Variants in GOLPH3 observed in about 807,000 individuals in gnomAD.
GOLPH3 encodes coat protein GPP34.
Under a neutral mutation model 28.5 loss-of-function variants are expected in GOLPH3, and 14 were observed. That is an observed-to-expected ratio of 0.49 (90% CI 0.32 to 0.77). GOLPH3 has a LOEUF of 0.77. GOLPH3 is among the 30% of genes least tolerant of loss of function. The probability of loss-of-function intolerance (pLI) is 0.03; values close to 1 mark genes in which losing one functional copy is unlikely to be tolerated. For missense variants in GOLPH3, 350 were observed against 393.7 expected, an observed-to-expected ratio of 0.89 and a Z score of 0.94; for synonymous variants, 158 against 159.2, an observed-to-expected ratio of 0.99 and a Z score of 0.06.
intron 1 of GOLPH3, among the ~76,000 whole-genome samples, chr5:32,149,588 A>T (rs751695375): frequency 9.8e-5 from 14 of 143,366 alleles, no homozygotes; most frequent in Admixed American, 1.4e-4. Flanking sequence ...TCAAAAATTA[A>T]GAATCAAAAA....
At chr5:32,151,417 T>C (rs1488125390) in intron 1 of GOLPH3, among the ~76,000 whole-genome samples, 1 of 152,122 alleles carries the variant, frequency 6.6e-6, no homozygotes, top group Non-Finnish European at 1.5e-5. Flanking sequence ...ACCTAGCTAC[T>C]CGGGAGGACT....
At chr5:32,146,393 G>A (rs942092129) in intron 1 of GOLPH3, among the ~76,000 whole-genome samples, 4 of 152,140 alleles carry the variant, frequency 2.6e-5, no homozygotes, top group Admixed American at 2.6e-4. Context: ...TAAAATATAA[G>A]GATGGGAGAG....
intron 1 of GOLPH3, among the ~76,000 whole-genome samples, chr5:32,156,272 C>CG (rs1227076502): frequency 2.6e-5 from 4 of 151,934 alleles, no homozygotes; most frequent in Non-Finnish European, 5.9e-5. Flanking sequence ...CTGAGGTGGG[C>CG]GGATCGCCTG....
intron 1 of GOLPH3, among the ~76,000 whole-genome samples, chr5:32,155,034 G>A (rs964131851): frequency 1.3e-5 from 2 of 149,164 alleles, no homozygotes; most frequent in African/African-American, 5.0e-5. Flanking sequence ...AGTGGACAGA[G>A]GTTACAGTGA....
intron 2 of GOLPH3, among the ~76,000 whole-genome samples, chr5:32,141,835 C>T (rs923655007): frequency 6.6e-6 from 1 of 151,946 alleles, no homozygotes; most frequent in Non-Finnish European, 1.5e-5. Flanking sequence ...AGCTCCTAAC[C>T]GCGAGTGATC....
intron 2 of GOLPH3, among the ~76,000 whole-genome samples, chr5:32,139,525 C>T (rs1235979350): frequency 6.6e-6 from 1 of 152,246 alleles, no homozygotes; most frequent in African/African-American, 2.4e-5. Context: ...ATTCTCCTCA[C>T]TGATCTTTCT....
At chr5:32,163,180 G>A (rs1256026730) in intron 1 of GOLPH3, among the ~76,000 whole-genome samples, 1 of 152,204 alleles carries the variant, frequency 6.6e-6, no homozygotes, top group Non-Finnish European at 1.5e-5. Context: ...CAAGGGCAAG[G>A]CTAGGTGTCA....
intron 1 of GOLPH3, among the ~76,000 whole-genome samples, chr5:32,157,680 C>A (rs1325902332): frequency 1.3e-5 from 2 of 152,118 alleles, no homozygotes; most frequent in Non-Finnish European, 2.9e-5. Flanking sequence ...TAAACTAAAC[C>A]TTTAATGATA....
intron 3 of GOLPH3, among the ~76,000 whole-genome samples, chr5:32,131,190 A>G (rs1022740440): frequency 6.6e-6 from 1 of 152,204 alleles, no homozygotes; most frequent in Admixed American, 6.5e-5. Flanking sequence ...AAAATAAAGA[A>G]ATCTCACGAG....
chr5:32,126,746 G>T, intron 3 of GOLPH3, 110 bp from the exon 4 acceptor site: 1 of 817,366 alleles, frequency 1.2e-6, no homozygotes, highest in Non-Finnish European at 1.9e-6. Flanking sequence ...AAAAACAGAA[G>T]AAAATCTGCC....
intron 1 of GOLPH3, among the ~76,000 whole-genome samples, chr5:32,166,296 G>A (rs147479469): frequency 1.3e-5 from 2 of 152,152 alleles, no homozygotes; most frequent in Admixed American, 6.5e-5. Flanking sequence ...TTTTGCAGAT[G>A]AGAGGTTTAC....
chr5:32,174,156 C>CTCTATT lies in GOLPH3; in HGVS notation c.-123_-122insAATAGA. Reference sequence around the variant, plus strand: ...TTAAATCCGGACGCCGGGGCGACGTCCGTCGGCAGCAGGGCCGGGGGCAGT... The same window carrying CTCTATT: ...TTAAATCCGGACGCCGGGGCGACGTCTCTATTCGTCGGCAGCAGGGCCGGGGGCAGT... On this transcript the variant is annotated 5_prime_UTR_variant, in exon 1 of 4. It introduces an in-frame stop codon into an upstream open reading frame of the 5' UTR. Transcript: ENST00000265070. The CTCTATT allele has an allele frequency of 1.7e-6, 1 of 589,370 alleles. No individual in the cohort carries two copies. The highest frequency in any genetic ancestry group is 2.5e-6 in the Non-Finnish European group (1 of 404,488). 36.5% of individuals were successfully genotyped at this position (589,370 alleles called of 1,614,324 possible). A position where few individuals can be genotyped will look rare whatever the true frequency, so the allele number is the denominator to read the frequency against.
At chr5:32,149,329 T>A (rs559694717) in intron 1 of GOLPH3, among the ~76,000 whole-genome samples, 1 of 152,294 alleles carries the variant, frequency 6.6e-6, no homozygotes, top group African/African-American at 2.4e-5. Context: ...GTAAGATAAT[T>A]AATACAGTGG....
intron 1 of GOLPH3, among the ~76,000 whole-genome samples, chr5:32,148,971 A>G (rs944101694): frequency 6.6e-6 from 1 of 152,084 alleles, no homozygotes; most frequent in Non-Finnish European, 1.5e-5. Context: ...GCGAAACTCC[A>G]TCTCAAAAAA....
intron 1 of GOLPH3, among the ~76,000 whole-genome samples, chr5:32,146,571 C>T (rs1389353719): frequency 1.1e-4 from 17 of 152,142 alleles, no homozygotes; most frequent in African/African-American, 4.1e-4. Flanking sequence ...CAGTTAAGAG[C>T]TACTGTTCTG....
At chr5:32,172,280 G>A (rs571224790) in intron 1 of GOLPH3, among the ~76,000 whole-genome samples, 3 of 151,940 alleles carry the variant, frequency 2.0e-5, no homozygotes, top group Non-Finnish European at 4.4e-5. Context: ...AAATAAGAAA[G>A]GTCCATAAAC....
chr5:32,126,614 T>G lies in GOLPH3; in HGVS notation c.495A>C (p.Lys165Asn). 2 of 1,612,958 alleles carry G rather than the reference T, an allele frequency of 1.2e-6. No individual in the cohort carries two copies. The highest frequency in any genetic ancestry group is 1.7e-6 in the Non-Finnish European group (2 of 1,179,374). ...LLSGETWNPL[K>N]LHYQLRNVRE... is the part of the protein sequence containing the mutation. The stretch of plus-strand genomic sequence containing the variant: ...GTACATTTCTTAACTGATAATGCAA[T>G]TTTAATGGATTCCATGTCTCACCTA... Residue 165 changes from lysine to asparagine, a missense_variant, in exon 4 of 4, where the codon AAA (lysine) becomes AAC (asparagine). Coordinates refer to ENST00000265070, the MANE Select transcript of GOLPH3 (RefSeq NM_022130.4).
In GOLPH3 at chr5:32,143,771, C is replaced by G; in HGVS notation, c.335G>C (p.Arg112Pro). 2 of 1,606,164 alleles carry G rather than the reference C, an allele frequency of 1.2e-6. No homozygotes were observed. Among genetic ancestry groups the G allele is most frequent in the Non-Finnish European group, 1.7e-6 (2 of 1,177,726 alleles). The change falls in exon 2 of 4, where the codon CGT (arginine) becomes CCT (proline). Residue 112 changes from arginine (R) to proline (P), a missense_variant. Arg to Pro is a moderately radical substitution (Grantham distance 103, BLOSUM62 -2). Coordinates refer to ENST00000265070, the MANE Select transcript of GOLPH3 (RefSeq NM_022130.4). The part of the protein sequence containing the change: ...RLQLEACGMR[R>P]KSLLTRKVIC... ...TACCTTTCTTGTTAATAGACTTTTA[C>G]GTCTCATTCCACAAGCCTCTAGTTG... is the stretch of plus-strand genomic sequence containing the variant.
At chr5:32,138,730 A>C (rs978033397) in intron 2 of GOLPH3, among the ~76,000 whole-genome samples, 3 of 152,218 alleles carry the variant, frequency 2.0e-5, no homozygotes, top group Non-Finnish European at 2.9e-5. Flanking sequence ...ACCATGTGTC[A>C]ATGTGCAGTA....
Sources: gnomAD v4.1 joint callset for allele counts (sites outside exome capture counted in the v4.1 genomes callset) on GRCh38, gnomAD v4.1.1 for gene constraint, MANE v1.5 for transcripts, NCBI Gene and HGNC (gene_info 2026-07-23, HGNC 2026-07-21) for gene names.